The following HEXD variants were observed in gnomAD, a reference collection of about 807,000 sequenced individuals.
HEXD encodes N-acetyl-beta-galactosaminidase.
Under a neutral mutation model 54.2 loss-of-function variants are expected in HEXD, and 47 were observed. The observed-to-expected ratio is 0.87, with a 90% CI of 0.69 to 1.11. The LOEUF (loss-of-function observed/expected upper bound fraction) is 1.11. Among genes scored for constraint, HEXD ranks in the 50% least tolerant of loss-of-function variants. The probability of loss-of-function intolerance (pLI) is 0.00; values close to 1 mark genes in which losing one functional copy is unlikely to be tolerated. For missense variants in HEXD, 576 were observed against 649.2 expected, an observed-to-expected ratio of 0.89 and a Z score of 1.23; for synonymous variants, 293 against 287.6, an observed-to-expected ratio of 1.02 and a Z score of -0.19.
chr17:82,423,045 A>C lies in HEXD; in HGVS notation c.85-1349A>C, dbSNP rs184302246. Among the ~76,000 whole-genome samples, 3 of 151,808 alleles carry C rather than the reference A, an allele frequency of 2.0e-5. No homozygotes were observed. In the East Asian group the frequency reaches 5.9e-4, roughly 30 times the overall value. On this transcript the variant is annotated intron_variant, in intron 2 of 12. Coordinates refer to ENST00000327949, the MANE Select transcript of HEXD (RefSeq NM_001330542.2). ...GCACTCCATCCTGGGGGACAAGAGC[A>C]AAACTCCATCTCAAAAAAAAAAAGA...
In HEXD at chr17:82,423,976, C is replaced by T. The variant is rs531428528; in HGVS notation, c.85-418C>T. Among the ~76,000 whole-genome samples, 334 of 152,024 alleles carry T rather than the reference C, an allele frequency of 2.2e-3. 1 individual carries two copies. The highest frequency in any genetic ancestry group is 7.5e-3 in the African/African-American group (311 of 41,476). On this transcript the variant is annotated intron_variant, in intron 2 of 12. Transcript: ENST00000327949. ...GAGCCCTGCTCCCCCTGCCCCGGCT[C>T]CTCCTGCCCCGTCCCCCATGCCTTG...
intron 6 of HEXD, among the ~76,000 whole-genome samples, 186 bp from the exon 7 acceptor site, chr17:82,436,481 G>A (rs555494225): frequency 1.6e-4 from 25 of 152,368 alleles, no homozygotes; most frequent in African/African-American, 6.0e-4. Flanking sequence ...TCGCTCCAGC[G>A]GGCGCTGGCT....
rs1180213866 is a variant in HEXD at position 82,441,877 on chromosome 17, C to A, written c.1241C>A (p.Pro414His). ...IHPVMVQHIQ[P>H]AALSLLAQWS... ...CCGGTCATGGTTCAGCACATCCAGC[C>A]CGCAGCGCTCAGGTGAGGCCCTGGG... Residue 414 changes from proline to histidine, a missense_variant, in exon 12 of 13, where the codon CCC (proline) becomes CAC (histidine). Pro to His is a moderately conservative substitution (Grantham distance 77, BLOSUM62 -2). Transcript: ENST00000327949. 1 of 1,613,138 alleles carries A rather than the reference C, an allele frequency of 6.2e-7. No homozygotes were observed. Among genetic ancestry groups the A allele is most frequent in the Admixed American group, 1.7e-5 (1 of 59,994 alleles).
Position 82,439,632 on chromosome 17 carries a change from TACGACC to T in HEXD, c.904_909del (p.Asp302_His303del). Reference sequence around the variant, plus strand: ...TAAGCGCCCCTCTCATGGACCCAGGTACGACCACTACTCTGTGCTGTGCGAGCTGCT... The same window carrying T: ...TAAGCGCCCCTCTCATGGACCCAGGTACTACTCTGTGCTGTGCGAGCTGCT... On this transcript the variant is annotated inframe_deletion and splice_region_variant, in exon 9 of 13. Coordinates refer to ENST00000327949, the MANE Select transcript of HEXD (RefSeq NM_001330542.2). The T allele has an allele frequency of 6.5e-7, 1 of 1,548,184 alleles. No homozygotes were observed. Among genetic ancestry groups the T allele is most frequent in the Non-Finnish European group, 8.7e-7 (1 of 1,145,330 alleles).
intron 7 of HEXD, 163 bp downstream of exon 7, chr17:82,436,901 C>T: frequency 3.0e-6 from 2 of 659,494 alleles, no homozygotes. Flanking sequence ...CTCGGGACGG[C>T]CACCGTGCAC....
rs559091273 is a variant in HEXD at position 82,429,721 on chromosome 17, C to T, written c.282+1076C>T. 4.6e-5 allele frequency among the ~76,000 whole-genome samples: 7 copies of T among 152,306 alleles called. No homozygotes were observed. The South Asian group carries it at 1.5e-3, about 32-fold the overall frequency. On this transcript the variant is annotated intron_variant, in intron 4 of 12. Transcript: ENST00000327949. ...TGGCTTCCCTCTGCCTCTGACTGCA[C>T]CTCCTCGATATCCATTTGCATTTGT...
At chr17:82,441,757 G>C (rs979579056) in intron 11 of HEXD, 43 bp from the exon 12 acceptor site, 3 of 1,518,990 alleles carry the variant, frequency 2.0e-6, no homozygotes. Flanking sequence ...CCCCACGGCT[G>C]CCTTGGTAGC....
intron 7 of HEXD, 102 bp from the exon 8 acceptor site, chr17:82,437,066 G>T: frequency 3.8e-6 from 4 of 1,047,520 alleles, no homozygotes; most frequent in Non-Finnish European, 5.7e-6. Flanking sequence ...GGCTGTCTCA[G>T]GCGGCTCCCA....
At chr17:82,419,686 T>C in intron 1 of HEXD, 63 bp from the exon 2 acceptor site, 1 of 619,742 alleles carries the variant, frequency 1.6e-6, no homozygotes, top group Non-Finnish European at 2.9e-6. Context: ...ACTGAAAGTA[T>C]AAGGAGAAAG....
intron 2 of HEXD, 32 bp downstream of exon 2, chr17:82,419,915 CT>C: frequency 7.0e-7 from 1 of 1,420,964 alleles, no homozygotes; most frequent in Non-Finnish European, 9.9e-7. Flanking sequence ...TAGAGCATTA[CT>C]TTTTGCCTTG....
At chr17:82,429,651 G>T (rs1406446876) in intron 4 of HEXD, among the ~76,000 whole-genome samples, 2 of 152,064 alleles carry the variant, frequency 1.3e-5, no homozygotes, top group African/African-American at 4.8e-5. Flanking sequence ...GGGCCCCTCG[G>T]TAGCTTCTGG....
At chr17:82,435,011 G>C (rs902850826) in intron 5 of HEXD, among the ~76,000 whole-genome samples, 4 of 151,754 alleles carry the variant, frequency 2.6e-5, no homozygotes, top group Non-Finnish European at 5.9e-5. Context: ...CAGGTGTGGT[G>C]GTGGGCGCCT....
chr17:82,432,153 G>A (rs1188277324), intron 4 of HEXD, among the ~76,000 whole-genome samples: 1 of 152,206 alleles, frequency 6.6e-6, no homozygotes, highest in Non-Finnish European at 1.5e-5. Context: ...CCCTTGCCAC[G>A]GGGCTGTGTG....
rs1366578703 is a variant in HEXD at position 82,434,102 on chromosome 17, C to T, written c.447+280C>T. ...CTGCAGAGCCCGAGGGAGGCACCCT[C>T]GTGTCAGACGAGACCACCCCGGGCG... On this transcript the variant is annotated intron_variant, in intron 5 of 12. Coordinates refer to ENST00000327949, the MANE Select transcript of HEXD (RefSeq NM_001330542.2). The surrounding 1 kb of genome is among the most constrained non-coding windows in gnomAD (Gnocchi z 4.5). Among the ~76,000 whole-genome samples the T allele has an allele frequency of 6.6e-6, 1 of 152,194 alleles. No homozygotes were observed. The highest frequency in any genetic ancestry group is 1.5e-5 in the Non-Finnish European group (1 of 68,022).
chr17:82,419,764 G>A lies in HEXD; in HGVS notation c.-36G>A, dbSNP rs1201590997. On this transcript the variant is annotated 5_prime_UTR_variant, in exon 2 of 13. Coordinates refer to ENST00000327949, the MANE Select transcript of HEXD (RefSeq NM_001330542.2). ...TCTCCACTAGGAAGAAGTCCCCAAG[G>A]AGACTTCGCCATAGGAGTTCACAGG... 1 of 1,389,624 alleles carries A rather than the reference G, an allele frequency of 7.2e-7. No individual in the cohort carries two copies. Among genetic ancestry groups the A allele is most frequent in the South Asian group, 1.2e-5 (1 of 86,156 alleles). 86.1% of individuals were successfully genotyped at this position (1,389,624 alleles called of 1,614,324 possible). A position where few individuals can be genotyped will look rare whatever the true frequency, so the allele number is the denominator to read the frequency against.
chr17:82,441,826 A>G lies in HEXD; in HGVS notation c.1190A>G (p.Tyr397Cys). 1 of 1,612,822 alleles carries G rather than the reference A, an allele frequency of 6.2e-7. No homozygotes were observed. The highest frequency in any genetic ancestry group is 8.5e-7 in the Non-Finnish European group (1 of 1,179,960). The part of the protein sequence containing the change: ...NRYVTGWFSP[Y>C]HRQRKLIHPV... Reference sequence around the variant, plus strand: ...TATGTCACTGGCTGGTTCAGCCCCTACCACCGCCAGCGGAAGCTCATCCAC... The same window carrying G: ...TATGTCACTGGCTGGTTCAGCCCCTGCCACCGCCAGCGGAAGCTCATCCAC... Residue 397 changes from tyrosine to cysteine, a missense_variant, in exon 12 of 13, where the codon TAC becomes TGC. Physicochemically the swap from Tyr to Cys is radical, Grantham distance 194. Transcript: ENST00000327949.
In HEXD at chr17:82,435,417, G is replaced by A. The variant is rs1412036173; in HGVS notation, c.448-272G>A. Among the ~76,000 whole-genome samples, 5 of 152,206 alleles carry A rather than the reference G, an allele frequency of 3.3e-5. No homozygotes were observed. In the South Asian group the frequency reaches 6.2e-4, roughly 19 times the overall value. ...TGGTGGGGGATGCTGCCCTATGCTG[G>A]TCCATCATGGGGGATGGACCCCTGT... On this transcript the variant is annotated intron_variant, in intron 5 of 12. Transcript: ENST00000327949.
At chr17:82,439,192 C>T (rs1049851210) in intron 8 of HEXD, among the ~76,000 whole-genome samples, 2 of 152,338 alleles carry the variant, frequency 1.3e-5, no homozygotes, top group Non-Finnish European at 2.9e-5. Context: ...AAAGCTGCCA[C>T]CCCCACCAGC....
At chr17:82,440,348 G>C in intron 9 of HEXD, 12 of 1,220,598 alleles carry the variant, frequency 9.8e-6, no homozygotes, top group Non-Finnish European at 1.3e-5. Flanking sequence ...AGAGGACGCA[G>C]AATGAGATCA....
Sources: gnomAD v4.1 joint callset for allele counts (sites outside exome capture counted in the v4.1 genomes callset) on GRCh38, gnomAD v4.1.1 for gene constraint, Gnocchi (gnomAD v3.1) non-coding constraint, MANE v1.5 for transcripts, NCBI Gene and HGNC (gene_info 2026-07-23, HGNC 2026-07-21) for gene names.